Variants in ZMYND11 observed in about 807,000 individuals in gnomAD.
ZMYND11 encodes the protein zinc finger MYND domain-containing protein 11.
A neutral mutation model predicts 84.9 loss-of-function variants in ZMYND11; 9 were observed. The observed-to-expected ratio is 0.11, with a 90% CI of 0.06 to 0.18. ZMYND11 has a LOEUF of 0.18. ZMYND11 is among the 10% of genes least tolerant of loss of function. The pLI, the probability that ZMYND11 is intolerant of heterozygous loss-of-function variation, is 1.00. For missense variants in ZMYND11, 409 were observed against 761.0 expected (o/e 0.54, Z 5.44); for synonymous variants, 250 against 244.1 (o/e 1.02, Z -0.23).
intron 1 of ZMYND11, among the ~76,000 whole-genome samples, chr10:173,702 C>T (rs1845909311): frequency 6.6e-6 from 1 of 151,906 alleles, no homozygotes. Context: ...CAGAGTGAGA[C>T]CCTGTTTCAA....
chr10:224,232 G>A (rs1181620044), intron 4 of ZMYND11, among the ~76,000 whole-genome samples: 1 of 152,124 alleles, frequency 6.6e-6, no homozygotes, highest in Non-Finnish European at 1.5e-5. Flanking sequence ...ATTTAATTCA[G>A]CTCAAGCAGC....
intron 4 of ZMYND11, among the ~76,000 whole-genome samples, chr10:232,709 CA>C (rs1372702075): frequency 6.6e-6 from 1 of 152,168 alleles, no homozygotes; most frequent in East Asian, 1.9e-4. Context: ...AAGCTTTCAA[CA>C]AAATAATCTC....
intron 2 of ZMYND11, among the ~76,000 whole-genome samples, chr10:189,420 T>C (rs1046050408): frequency 1.3e-5 from 2 of 152,250 alleles, no homozygotes; most frequent in Non-Finnish European, 2.9e-5. Flanking sequence ...TCTTTGGAAA[T>C]AAGTTCATTA....
At chr10:153,134 T>A (rs1840820528) in intron 1 of ZMYND11, among the ~76,000 whole-genome samples, 1 of 152,206 alleles carries the variant, frequency 6.6e-6, no homozygotes, top group African/African-American at 2.4e-5. Flanking sequence ...TCTAGGTAAT[T>A]CACATTCCAC....
chr10:200,205 GGTGT>G (rs71374347), intron 2 of ZMYND11, among the ~76,000 whole-genome samples: 3,419 of 132,404 alleles, frequency 0.026, 144 homozygotes, highest in African/African-American at 0.089. Flanking sequence ...GCCTGGCTAG[GGTGT>G]GTGTGTGTGT....
intron 2 of ZMYND11, among the ~76,000 whole-genome samples, chr10:206,503 T>A (rs1333319383): frequency 3.3e-5 from 5 of 152,254 alleles, no homozygotes; most frequent in African/African-American, 1.2e-4. Context: ...GTATTTCTTT[T>A]ATTTCCTATA....
chr10:150,714 T>C (rs959002948), intron 1 of ZMYND11, among the ~76,000 whole-genome samples: 10 of 152,172 alleles, frequency 6.6e-5, no homozygotes, highest in Non-Finnish European at 1.5e-4. Context: ...AATGTCCCTG[T>C]CTGACAGCTT....
intron 1 of ZMYND11, 36 bp from the exon 2 acceptor site, chr10:179,958 T>A (rs991616387): frequency 7.0e-6 from 9 of 1,281,012 alleles, no homozygotes; most frequent in African/African-American, 3.0e-5. Flanking sequence ...TTTTGTAATC[T>A]GTTTTTTTCC....
chr10:194,164 T>G (rs927110717), intron 2 of ZMYND11, among the ~76,000 whole-genome samples: 1 of 146,780 alleles, frequency 6.8e-6, no homozygotes, highest in South Asian at 2.2e-4. Context: ...TTTGAATTTT[T>G]TTTTTGGTAG....
At chr10:217,873 C>A (rs1023564080) in intron 3 of ZMYND11, among the ~76,000 whole-genome samples, 2 of 152,174 alleles carry the variant, frequency 1.3e-5, no homozygotes, top group Non-Finnish European at 2.9e-5. Flanking sequence ...TTGAATCAAT[C>A]GAGCTCCAGA....
At chr10:221,377 C>T in intron 4 of ZMYND11, 21 bp downstream of exon 4, 1 of 1,610,302 alleles carries the variant, frequency 6.2e-7, no homozygotes, top group South Asian at 1.1e-5. Context: ...ATGAGCTTTC[C>T]TGTGCTGGTT....
intron 7 of ZMYND11, 141 bp downstream of exon 7, chr10:239,666 A>C (rs570423618): frequency 1.5e-6 from 1 of 686,618 alleles, no homozygotes; most frequent in Admixed American, 2.9e-5. Context: ...GGTTAGGAAT[A>C]TCTGGTGATA....
At chr10:250,126 T>G (rs1161181523) in intron 14 of ZMYND11, among the ~76,000 whole-genome samples, 1 of 152,226 alleles carries the variant, frequency 6.6e-6, no homozygotes, top group Non-Finnish European at 1.5e-5. Flanking sequence ...CGTAAGGTTT[T>G]GAGGAGCTGA....
At chr10:144,019 A>C (rs990634897) in intron 1 of ZMYND11, among the ~76,000 whole-genome samples, 3 of 151,680 alleles carry the variant, frequency 2.0e-5, no homozygotes, top group African/African-American at 4.8e-5. Flanking sequence ...AAAAAAAAAA[A>C]AACTGCCATT....
chr10:209,318 T>G (rs1174001073), intron 2 of ZMYND11, among the ~76,000 whole-genome samples: 2 of 152,158 alleles, frequency 1.3e-5, no homozygotes, highest in Non-Finnish European at 2.9e-5. Context: ...CGTGCTTCAG[T>G]GACTCAAAGT....
At chr10:154,437 A>G (rs1050721189) in intron 1 of ZMYND11, among the ~76,000 whole-genome samples, 4 of 152,194 alleles carry the variant, frequency 2.6e-5, no homozygotes, top group African/African-American at 9.7e-5. Flanking sequence ...CTGGTGTCAT[A>G]GATGTCGAGA....
chr10:240,022 A>T (rs748911030), intron 7 of ZMYND11, 34 bp from the exon 8 acceptor site: 4 of 1,575,814 alleles, frequency 2.5e-6, no homozygotes, highest in Non-Finnish European at 3.5e-6. Flanking sequence ...TTTGCAGACT[A>T]TTGCTTATAG....
intron 1 of ZMYND11, among the ~76,000 whole-genome samples, chr10:164,731 T>C (rs190236418): frequency 2.2e-4 from 33 of 152,262 alleles, no homozygotes; most frequent in African/African-American, 7.7e-4. Flanking sequence ...AATTGGAGAA[T>C]GACTTTCTTG....
chr10:157,575 G>T (rs573276201), intron 1 of ZMYND11, among the ~76,000 whole-genome samples: 62 of 152,170 alleles, frequency 4.1e-4, no homozygotes, highest in African/African-American at 1.5e-3. Flanking sequence ...CCTAGAGGGT[G>T]GGGGAGGTCT....
Sources: gnomAD v4.1 joint callset for allele counts (sites outside exome capture counted in the v4.1 genomes callset) on GRCh38, gnomAD v4.1.1 for gene constraint, MANE v1.5 for transcripts, NCBI Gene and HGNC (gene_info 2026-07-23, HGNC 2026-07-21) for gene names.